Variants in RANBP17 observed in about 807,000 individuals in gnomAD.
RANBP17 encodes RAN binding protein 17, also known as ran-binding protein 17.
A neutral mutation model predicts 141.2 loss-of-function variants in RANBP17; 158 were observed. The observed-to-expected ratio is 1.12, with a 90% CI of 0.98 to 1.28. RANBP17 has a LOEUF of 1.28. Among genes scored for constraint, RANBP17 ranks in the 50% most tolerant of loss-of-function variants. RANBP17 has a pLI of 0.00. For synonymous variants in RANBP17, 430 were observed against 450.0 expected (o/e 0.96, Z 0.56); for missense variants, 1,438 against 1,290.7 (o/e 1.11, Z -1.75).
chr5:171,027,195 T>C (rs1207386723), intron 14 of RANBP17, among the ~76,000 whole-genome samples: 2 of 152,224 alleles, frequency 1.3e-5, no homozygotes, highest in African/African-American at 4.8e-5. Flanking sequence ...GTTTCTTTAA[T>C]GAATTTATCA....
chr5:171,007,162 A>G (rs533759675), intron 14 of RANBP17, among the ~76,000 whole-genome samples: 2 of 152,314 alleles, frequency 1.3e-5, no homozygotes, highest in Non-Finnish European at 2.9e-5. Flanking sequence ...ACAGAGTTAG[A>G]TATCAGAATT....
At chr5:170,873,218 G>T (rs1767898348) in intron 1 of RANBP17, among the ~76,000 whole-genome samples, 1 of 152,162 alleles carries the variant, frequency 6.6e-6, no homozygotes, top group African/African-American at 2.4e-5. Flanking sequence ...GCTTGGATAA[G>T]CTTTTTGATG....
intron 2 of RANBP17, among the ~76,000 whole-genome samples, chr5:170,880,559 A>G (rs945609918): frequency 6.6e-6 from 1 of 152,222 alleles, no homozygotes; most frequent in Non-Finnish European, 1.5e-5. Context: ...ACAGTCTACT[A>G]TGATGAGATA....
chr5:170,896,213 T>G, intron 5 of RANBP17, 98 bp downstream of exon 5: 1 of 811,906 alleles, frequency 1.2e-6, no homozygotes, highest in African/African-American at 1.8e-5. Context: ...GCCTTCATTT[T>G]GTGGCATAAA....
Position 171,177,732 on chromosome 5 carries a change from T to G in RANBP17, c.1866-5435T>G, listed in dbSNP as rs368404409. Among the ~76,000 whole-genome samples, 194 of 152,344 alleles carry G rather than the reference T, an allele frequency of 1.3e-3. 9 individuals are homozygous for G. In the South Asian group the frequency reaches 0.039, roughly 30 times the overall value. ...TCATTTTCTTTCAAGTCGTGGTTTA[T>G]TTTTCTTAATGTTTGTGAACACCTT... is the stretch of plus-strand genomic sequence containing the variant. On this transcript the variant is annotated intron_variant, in intron 16 of 27. Coordinates refer to ENST00000523189, the MANE Select transcript of RANBP17 (RefSeq NM_022897.5).
chr5:170,994,833 T>G (rs929087946), intron 14 of RANBP17, among the ~76,000 whole-genome samples: 1 of 152,100 alleles, frequency 6.6e-6, no homozygotes, highest in Non-Finnish European at 1.5e-5. Context: ...ATATTCACTT[T>G]TTACTTTTTG....
chr5:171,130,885 G>A (rs1756871391), intron 14 of RANBP17, among the ~76,000 whole-genome samples: 1 of 152,114 alleles, frequency 6.6e-6, no homozygotes, highest in African/African-American at 2.4e-5. Context: ...TTGGTGAATA[G>A]AAATTAGGAG....
chr5:171,006,111 G>T (rs1241623362), intron 14 of RANBP17, among the ~76,000 whole-genome samples: 1 of 152,198 alleles, frequency 6.6e-6, no homozygotes, highest in Admixed American at 6.5e-5. Flanking sequence ...TGCTGGAGAG[G>T]ATGTGGAGAA....
At chr5:171,162,477 G>T (rs1429654625) in intron 14 of RANBP17, among the ~76,000 whole-genome samples, 1 of 152,156 alleles carries the variant, frequency 6.6e-6, no homozygotes, top group Non-Finnish European at 1.5e-5. Context: ...AAGGCAAACA[G>T]CCAGCTTCTG....
intron 14 of RANBP17, among the ~76,000 whole-genome samples, chr5:171,087,268 G>A (rs915561178): frequency 2.0e-5 from 3 of 152,142 alleles, no homozygotes; most frequent in African/African-American, 7.2e-5. Flanking sequence ...ATGTAGTTGT[G>A]CAGCTTTGAG....
intron 16 of RANBP17, 49 bp from the exon 17 acceptor site, chr5:171,183,118 C>T (rs769294943): frequency 1.0e-6 from 1 of 981,664 alleles, no homozygotes; most frequent in Non-Finnish European, 1.6e-6. Context: ...TGATTTATTA[C>T]ATACTGATAT....
intron 1 of RANBP17, among the ~76,000 whole-genome samples, chr5:170,862,723 G>C (rs1766914000): frequency 6.6e-6 from 1 of 152,126 alleles, no homozygotes; most frequent in South Asian, 2.1e-4. Flanking sequence ...ACGCGTGCTT[G>C]TATATCCTCG....
chr5:171,027,483 C>T (rs1429745838), intron 14 of RANBP17, among the ~76,000 whole-genome samples: 2 of 151,936 alleles, frequency 1.3e-5, no homozygotes, highest in African/African-American at 4.8e-5. Flanking sequence ...AGTATTGTAG[C>T]TTTTTTCTGA....
chr5:170,956,015 A>G (rs536889927), intron 13 of RANBP17, among the ~76,000 whole-genome samples: 2 of 151,514 alleles, frequency 1.3e-5, no homozygotes, highest in Non-Finnish European at 3.0e-5. Context: ...GATTAATGAA[A>G]ATATCCACCT....
At chr5:170,897,258 A>AG (rs1770211604) in intron 5 of RANBP17, 1 of 642,470 alleles carries the variant, frequency 1.6e-6, no homozygotes, top group African/African-American at 1.8e-5. Flanking sequence ...AAACTCAGAA[A>AG]GTTGGCAGAG....
chr5:171,064,509 T>C (rs981572742), intron 14 of RANBP17, among the ~76,000 whole-genome samples: 11 of 152,210 alleles, frequency 7.2e-5, no homozygotes, highest in Admixed American at 3.9e-4. Flanking sequence ...TTTTTTTGTT[T>C]GTTTTCAGAC....
At chr5:170,958,647 T>C (rs1165146861) in intron 13 of RANBP17, among the ~76,000 whole-genome samples, 1 of 152,196 alleles carries the variant, frequency 6.6e-6, no homozygotes, top group East Asian at 1.9e-4. Flanking sequence ...TTATATATAA[T>C]AGCATTCCAA....
At chr5:171,178,525 G>A (rs1269558111) in intron 16 of RANBP17, among the ~76,000 whole-genome samples, 1 of 152,058 alleles carries the variant, frequency 6.6e-6, no homozygotes, top group Admixed American at 6.6e-5. Context: ...TCATCCTTTG[G>A]GTTTATACCC....
intron 2 of RANBP17, among the ~76,000 whole-genome samples, chr5:170,881,313 CAGTTTGAGTAT>C (rs1768666716): frequency 6.6e-6 from 1 of 152,028 alleles, no homozygotes; most frequent in South Asian, 2.1e-4. Flanking sequence ...TGCGTTTAGA[CAGTTTGAGTAT>C]AGTATTAAGA....
Sources: gnomAD v4.1 joint callset for allele counts (sites outside exome capture counted in the v4.1 genomes callset) on GRCh38, gnomAD v4.1.1 for gene constraint, MANE v1.5 for transcripts, NCBI Gene and HGNC (gene_info 2026-07-23, HGNC 2026-07-21) for gene names.